RBFOX1: variants seen among roughly 807,000 people sequenced by gnomAD.
The protein encoded by RBFOX1 is RNA binding fox-1 homolog 1.
Under a neutral mutation model 57.7 loss-of-function variants are expected in RBFOX1, and 8 were observed. That is an observed-to-expected ratio of 0.14 (90% CI 0.08 to 0.25). RBFOX1 has a LOEUF of 0.25. Among genes scored for constraint, RBFOX1 ranks in the 10% least tolerant of loss-of-function variants. The pLI is 1.00. For missense variants in RBFOX1, 611 were observed against 548.5 expected (o/e 1.11, Z -1.14); for synonymous variants, 326 against 222.4 (o/e 1.47, Z -4.15).
chr16:6,228,915 TTTTA>T (rs1380647641), intron 1 of RBFOX1, among the ~76,000 whole-genome samples: 86 of 152,318 alleles, frequency 5.6e-4, no homozygotes, highest in Middle Eastern at 3.4e-3. Context: ...ACATATATAA[TTTTA>T]TTTGTCAATT....
At chr16:6,962,879 AAAAAG>A (rs1344699345) in intron 3 of RBFOX1, among the ~76,000 whole-genome samples, 2 of 152,020 alleles carry the variant, frequency 1.3e-5, no homozygotes, top group African/African-American at 4.8e-5. Context: ...AAAAAGGGAA[AAAAAG>A]AAAAGAAAGT....
In RBFOX1 at chr16:7,498,122, G is replaced by A. The variant is rs368303951; in HGVS notation, c.28-20025G>A. Among the ~76,000 whole-genome samples the A allele has an allele frequency of 5.3e-5, 8 of 152,278 alleles. No homozygotes were observed. The East Asian group carries it at 1.4e-3, about 26-fold the overall frequency. On this transcript the variant is annotated intron_variant, in intron 4 of 15. Coordinates refer to ENST00000550418, the MANE Select transcript of RBFOX1 (RefSeq NM_018723.4). Reference sequence around the variant, plus strand: ...TGAAGGCTGTCTTGGGGTTGATGCTGTAATTGTGCAGAAAGGTAAAATGAA... The same window carrying A: ...TGAAGGCTGTCTTGGGGTTGATGCTATAATTGTGCAGAAAGGTAAAATGAA...
intron 1 of RBFOX1, among the ~76,000 whole-genome samples, chr16:6,227,097 G>A (rs910391076): frequency 2.0e-5 from 3 of 151,728 alleles, no homozygotes; most frequent in Non-Finnish European, 2.9e-5. Flanking sequence ...GAACTCCAGC[G>A]TAGGTGACAG....
chr16:7,318,849 G>A (rs116827121), intron 4 of RBFOX1, among the ~76,000 whole-genome samples: 8 of 152,210 alleles, frequency 5.3e-5, no homozygotes, highest in African/African-American at 9.6e-5. Flanking sequence ...CTGGCAGAGC[G>A]CAACATGAAA....
intron 1 of RBFOX1, among the ~76,000 whole-genome samples, chr16:5,316,906 T>C (rs1398046238): frequency 6.6e-6 from 1 of 152,100 alleles, no homozygotes; most frequent in Non-Finnish European, 1.5e-5. Flanking sequence ...AGAGTCCAAT[T>C]GGCTGGGGTC....
Position 7,607,298 on chromosome 16 carries a change from T to C in RBFOX1, c.636T>C (p.Asn212=). The change falls in exon 10 of 16, where the codon AAT becomes AAC. Residue 212 remains asparagine (N), a synonymous_variant. Coordinates refer to ENST00000550418, the MANE Select transcript of RBFOX1 (RefSeq NM_018723.4). ...ATTTGTTTTAAGGCTGGAAATTGAA[T>C]CCAGTTGTGGGTGCAGTCTACAGTC... is the stretch of plus-strand genomic sequence containing the variant. ...VNPYTNGWKL[N]PVVGAVYSPE... is the part of the protein sequence containing the mutation. 1 of 1,610,002 alleles carries C rather than the reference T, an allele frequency of 6.2e-7. No homozygotes were observed. Among genetic ancestry groups the C allele is most frequent in the Non-Finnish European group, 8.5e-7 (1 of 1,178,922 alleles).
chr16:6,203,186 CA>C (rs1462786071), intron 1 of RBFOX1, among the ~76,000 whole-genome samples: 2 of 152,004 alleles, frequency 1.3e-5, no homozygotes, highest in African/African-American at 4.8e-5. Flanking sequence ...TTACATTATA[CA>C]GGAGTTCTCC....
At chr16:6,122,622 A>G (rs2096559384) in intron 1 of RBFOX1, among the ~76,000 whole-genome samples, 1 of 152,052 alleles carries the variant, frequency 6.6e-6, no homozygotes, top group Admixed American at 6.5e-5. Flanking sequence ...CCCATTAATG[A>G]TTGACTGACA....
chr16:6,666,507 T>A lies in RBFOX1; in HGVS notation c.-16+11857T>A, dbSNP rs1482508211. On this transcript the variant is annotated intron_variant, in intron 3 of 15. Transcript: ENST00000550418. The stretch of plus-strand genomic sequence containing the variant: ...GTCAGCTGAGATCACACCACTGCAC[T>A]CCAGCCTGGGTGACAGAGTAAGACT... Among the ~76,000 whole-genome samples, 3 of 136,448 alleles carry A rather than the reference T, an allele frequency of 2.2e-5. No homozygotes were observed. The Admixed American group carries it at 2.5e-4, about 11-fold the overall frequency. The allele number at this position is 136,448 out of a possible 152,430, so 89.5% of individuals were successfully genotyped here.
intron 14 of RBFOX1, 64 bp downstream of exon 14, chr16:7,676,902 G>A (rs1042839228): frequency 4.7e-6 from 7 of 1,482,376 alleles, no homozygotes; most frequent in Non-Finnish European, 6.6e-6. Flanking sequence ...TGGGAGAGGA[G>A]ATTCTTGTAT....
At chr16:5,264,998 T>TTC (rs368309834) in intron 1 of RBFOX1, among the ~76,000 whole-genome samples, 138 of 151,880 alleles carry the variant, frequency 9.1e-4, no homozygotes, top group East Asian at 1.9e-3. Context: ...ATGGTGGAAT[T>TTC]TCTCTGTGTG....
At chr16:5,339,467 C>CGG in intron 1 of RBFOX1, among the ~76,000 whole-genome samples, 1 of 38,834 alleles carries the variant, frequency 2.6e-5, no homozygotes, top group African/African-American at 5.5e-5. Flanking sequence ...CTGCTTTTTC[C>CGG]GTGTTTTTTT....
At chr16:5,832,539 C>T (rs915545276) in intron 3 of RBFOX1, among the ~76,000 whole-genome samples, 1 of 152,284 alleles carries the variant, frequency 6.6e-6, no homozygotes, top group East Asian at 1.9e-4. Context: ...TAGTTCACAG[C>T]CTGGCATGTA....
chr16:7,235,909 T>C (rs955159279), intron 4 of RBFOX1, among the ~76,000 whole-genome samples: 1 of 152,196 alleles, frequency 6.6e-6, no homozygotes, highest in African/African-American at 2.4e-5. Flanking sequence ...CTCCTTGCCC[T>C]CCTGTGAATG....
At chr16:6,891,404 A>G (rs1469600948) in intron 3 of RBFOX1, among the ~76,000 whole-genome samples, 2 of 152,132 alleles carry the variant, frequency 1.3e-5, no homozygotes, top group Non-Finnish European at 2.9e-5. Context: ...AAAACCCAGA[A>G]ACCCGTTTGC....
intron 4 of RBFOX1, among the ~76,000 whole-genome samples, chr16:7,157,081 A>G (rs1037438571): frequency 6.6e-6 from 1 of 152,188 alleles, no homozygotes; most frequent in East Asian, 1.9e-4. Context: ...TTATGCTACT[A>G]AATATTCAGC....
At chr16:6,407,819 G>A (rs559428409) in intron 2 of RBFOX1, among the ~76,000 whole-genome samples, 13 of 152,222 alleles carry the variant, frequency 8.5e-5, no homozygotes, top group Non-Finnish European at 1.8e-4. Flanking sequence ...CAATCCTCAC[G>A]CAGCATACAT....
chr16:6,417,490 A>G (rs532077802), intron 2 of RBFOX1, among the ~76,000 whole-genome samples: 1 of 147,320 alleles, frequency 6.8e-6, no homozygotes, highest in African/African-American at 2.5e-5. Context: ...CCTGAGTTCA[A>G]GCAATTCTCC....
chr16:6,291,698 A>G (rs756685863), intron 1 of RBFOX1, among the ~76,000 whole-genome samples: 1 of 152,230 alleles, frequency 6.6e-6, no homozygotes, highest in Non-Finnish European at 1.5e-5. Flanking sequence ...GAGACAGACA[A>G]AGGCATAAAT....
Sources: gnomAD v4.1 joint callset for allele counts (sites outside exome capture counted in the v4.1 genomes callset) on GRCh38, gnomAD v4.1.1 for gene constraint, MANE v1.5 for transcripts, NCBI Gene and HGNC (gene_info 2026-07-23, HGNC 2026-07-21) for gene names.